PRRC2B: variants seen among roughly 807,000 people sequenced by gnomAD.
PRRC2B encodes protein PRRC2B.
Under a neutral mutation model 242.3 loss-of-function variants are expected in PRRC2B, and 68 were observed. That is an observed-to-expected ratio of 0.28 (90% CI 0.23 to 0.34). The LOEUF (loss-of-function observed/expected upper bound fraction) is 0.34, where lower values mean the gene tolerates loss of function less well. PRRC2B is among the 10% of genes least tolerant of loss of function. The pLI is 1.00. For synonymous variants in PRRC2B, 1,228 were observed against 1,173.6 expected, an observed-to-expected ratio of 1.05 and a Z score of -0.95; for missense variants, 2,835 against 2,954.8, an observed-to-expected ratio of 0.96 and a Z score of 0.94.
At chr9:131,378,662 CT>C (rs1588232081) in intron 1 of PRRC2B, among the ~76,000 whole-genome samples, 1 of 152,110 alleles carries the variant, frequency 6.6e-6, no homozygotes, top group Non-Finnish European at 1.5e-5. Context: ...GAAATACCAG[CT>C]TTTTGTCTCT....
intron 5 of PRRC2B, among the ~76,000 whole-genome samples, chr9:131,442,908 A>G (rs1172037280): frequency 6.6e-6 from 1 of 152,220 alleles, no homozygotes; most frequent in South Asian, 2.1e-4. Flanking sequence ...GCAGGTTGTA[A>G]TGTCAAGGAA....
At position 131,490,937 on chromosome 9, in the gene PRRC2B, G is replaced by A. The variant is rs193175441; in HGVS notation, c.6226-488G>A. On this transcript the variant is annotated intron_variant, in intron 28 of 31. Transcript: ENST00000683519. ...CCCATAAATCTGGTGTGCACCCACA[G>A]ATCCTATGCCGCTCTGCATCCCGAG... 8 of 287,974 alleles carry A rather than the reference G, an allele frequency of 2.8e-5. No homozygotes were observed. The Admixed American group carries it at 3.4e-4, about 12-fold the overall frequency. The allele number at this position is 287,974 out of a possible 1,614,324, so 17.8% of individuals were successfully genotyped here.
At chr9:131,486,300 G>T (rs1588281198) in intron 26 of PRRC2B, 118 bp downstream of exon 26, 8 of 856,128 alleles carry the variant, frequency 9.3e-6, no homozygotes, top group Non-Finnish European at 1.4e-5. Context: ...CCCCTCACAT[G>T]TGGTGACCAG....
intron 5 of PRRC2B, among the ~76,000 whole-genome samples, chr9:131,441,371 CTG>C (rs1484036911): frequency 2.6e-5 from 4 of 151,982 alleles, no homozygotes; most frequent in Non-Finnish European, 4.4e-5. Context: ...GGTAATGTAA[CTG>C]TATCACAATA....
chr9:131,480,651 A>G (rs1238280648), intron 19 of PRRC2B, among the ~76,000 whole-genome samples: 2 of 150,854 alleles, frequency 1.3e-5, no homozygotes, highest in African/African-American at 2.4e-5. Flanking sequence ...GGGTCTCACT[A>G]TGTTGCCCAG....
chr9:131,488,526 G>A (rs1944091866), intron 28 of PRRC2B, among the ~76,000 whole-genome samples: 1 of 152,102 alleles, frequency 6.6e-6, no homozygotes, highest in Non-Finnish European at 1.5e-5. Context: ...CCTCCCAAAG[G>A]GCTGGGATGA....
intron 1 of PRRC2B, among the ~76,000 whole-genome samples, chr9:131,413,135 A>G (rs1448365635): frequency 6.6e-6 from 1 of 152,228 alleles, no homozygotes; most frequent in Non-Finnish European, 1.5e-5. Context: ...TTGCCCTGGT[A>G]TGCTTATACT....
At position 131,464,778 on chromosome 9, in the gene PRRC2B, A is replaced by G; in HGVS notation, c.1420A>G (p.Ser474Gly). The change falls in exon 12 of 32, where the codon AGC becomes GGC. Residue 474 changes from serine to glycine, a missense_variant. This residue lies in a region of PRRC2B where 626 missense variants were observed against 685.5 expected (regional missense o/e 0.91). Transcript: ENST00000683519. ...GPDYQKSSMG[S>G]MFRQQSIEDK... is the part of the protein sequence containing the mutation. ...CTCTTGGCAGAAGTCATCAATGGGC[A>G]GCATGTTCCGGCAACAGTCCATCGA... The G allele has an allele frequency of 6.3e-7, 1 of 1,597,380 alleles. No individual in the cohort carries two copies. Among genetic ancestry groups the G allele is most frequent in the Non-Finnish European group, 8.6e-7 (1 of 1,169,024 alleles).
Position 131,481,809 on chromosome 9 carries a change from G to T in PRRC2B, c.4983+1G>T. 1 of 1,554,760 alleles carries T rather than the reference G, an allele frequency of 6.4e-7. No individual in the cohort carries two copies. ...CAGCACCGAGACTGGCTCTGCGGAG[G>T]TGAGTGTGGCCGCTGCCCACATGCT... On this transcript the variant is annotated splice_donor_variant, in intron 20 of 31. Coordinates refer to ENST00000683519, the MANE Select transcript of PRRC2B (RefSeq NM_013318.4). LOFTEE classifies it high-confidence loss of function.
intron 11 of PRRC2B, among the ~76,000 whole-genome samples, chr9:131,460,708 A>T (rs2131415053): frequency 6.6e-6 from 1 of 152,124 alleles, no homozygotes; most frequent in East Asian, 1.9e-4. Context: ...CTGGTTGGCC[A>T]TTGGGTGTTC....
At chr9:131,410,111 T>A (rs953993358) in intron 1 of PRRC2B, among the ~76,000 whole-genome samples, 6 of 152,202 alleles carry the variant, frequency 3.9e-5, no homozygotes, top group East Asian at 3.8e-4. Context: ...TGAAATCATC[T>A]TCTTCCCCAC....
At chr9:131,476,894 C>T (rs575390974) in intron 16 of PRRC2B, among the ~76,000 whole-genome samples, 4 of 152,336 alleles carry the variant, frequency 2.6e-5, no homozygotes, top group Non-Finnish European at 4.4e-5. Flanking sequence ...TCCTCTGCTC[C>T]GGAGTTGCTG....
chr9:131,463,628 C>CCT (rs1554763593), intron 11 of PRRC2B, among the ~76,000 whole-genome samples: 2 of 125,778 alleles, frequency 1.6e-5, no homozygotes, highest in Non-Finnish European at 3.2e-5. Flanking sequence ...TTTAGGCATG[C>CCT]TTTTTTTTTT....
At chr9:131,415,181 A>G (rs984039130) in intron 1 of PRRC2B, among the ~76,000 whole-genome samples, 11 of 148,882 alleles carry the variant, frequency 7.4e-5, no homozygotes, top group Admixed American at 2.7e-4. Flanking sequence ...TTTAGTAGAG[A>G]CGGGGGTTTT....
chr9:131,401,475 G>A (rs1395103848), intron 1 of PRRC2B, among the ~76,000 whole-genome samples: 1 of 150,920 alleles, frequency 6.6e-6, no homozygotes, highest in East Asian at 1.9e-4. Flanking sequence ...TCAGCCTCTT[G>A]TGTAGCTGGG....
chr9:131,401,981 T>C (rs1212619388), intron 1 of PRRC2B, among the ~76,000 whole-genome samples: 2 of 151,226 alleles, frequency 1.3e-5, no homozygotes, highest in South Asian at 4.2e-4. Flanking sequence ...ATTATTGTTA[T>C]TATTTTTGAG....
In PRRC2B at chr9:131,474,206, A is replaced by T. The variant is rs4740249; in HGVS notation, c.2325-248A>T. Among the ~76,000 whole-genome samples the T allele has an allele frequency of 1, 152,272 of 152,290 alleles. 76,127 individuals carry two copies. Among genetic ancestry groups the T allele is most frequent in the Middle Eastern group, 1 (294 of 294 alleles). ...GCGGCCACGACAGTCTTCACTCTCAAGGACTCCAGGGGCCACCGACCAATT... is the reference window on the plus strand; with the variant it reads ...GCGGCCACGACAGTCTTCACTCTCATGGACTCCAGGGGCCACCGACCAATT... On this transcript the variant is annotated intron_variant, in intron 15 of 31. Transcript: ENST00000683519.
chr9:131,417,856 G>A (rs1307481993), intron 1 of PRRC2B, among the ~76,000 whole-genome samples: 1 of 152,134 alleles, frequency 6.6e-6, no homozygotes, highest in African/African-American at 2.4e-5. Flanking sequence ...ATTTTTGTCC[G>A]AGCACCACTC....
Position 131,485,143 on chromosome 9 carries a change from ATC to A in PRRC2B, c.5758+6_5758+7del. 1 of 1,575,436 alleles carries A rather than the reference ATC, an allele frequency of 6.3e-7. No individual in the cohort carries two copies. Among genetic ancestry groups the A allele is most frequent in the South Asian group, 1.1e-5 (1 of 87,218 alleles). Reference sequence around the variant, plus strand: ...AGCACCTTCTGCTTCTATGCCAGGTATCTCATCCCCTGAGCAAGGCCTTGGGG... The same window carrying A: ...AGCACCTTCTGCTTCTATGCCAGGTATCATCCCCTGAGCAAGGCCTTGGGG... On this transcript the variant is annotated splice_donor_5th_base_variant and intron_variant, in intron 25 of 31. Coordinates refer to ENST00000683519, the MANE Select transcript of PRRC2B (RefSeq NM_013318.4).
Sources: allele counts gnomAD v4.1 joint callset (sites outside exome capture counted in the v4.1 genomes callset), GRCh38; gene constraint gnomAD v4.1.1; regional missense constraint gnomAD v4.1.1; transcripts MANE v1.5; gene names NCBI Gene and HGNC (gene_info 2026-07-23, HGNC 2026-07-21).